Variants in F8 observed in about 807,000 individuals in gnomAD.
F8 encodes coagulation factor VIII, also known as antihemophilic factor.
In F8, 12 loss-of-function variants were observed where a neutral mutation model predicts 140.6. That is an observed-to-expected ratio of 0.09 (90% CI 0.05 to 0.14). The LOEUF (loss-of-function observed/expected upper bound fraction) is 0.14. F8 is among the 10% of genes least tolerant of loss of function. The pLI, the probability that F8 is intolerant of heterozygous loss-of-function variation, is 1.00. For missense variants in F8, 1,354 were observed against 1,720.7 expected (o/e 0.79, Z 3.77); for synonymous variants, 585 against 614.6 (o/e 0.95, Z 0.71).
chrX:154,839,162 T>C (rs1187483096), intron 25 of F8, among the ~76,000 whole-genome samples: 4 of 109,450 alleles, frequency 3.7e-5, no homozygotes, highest in Non-Finnish European at 7.6e-5. Flanking sequence ...TGATTCCCTC[T>C]GCTTGGAAGG....
chrX:154,911,283 G>A (rs1419232514), intron 14 of F8, among the ~76,000 whole-genome samples: 1 of 107,391 alleles, frequency 9.3e-6, no homozygotes, highest in Non-Finnish European at 1.9e-5. Context: ...AGTGTTTCTC[G>A]TCACTGTGGG....
intron 13 of F8, among the ~76,000 whole-genome samples, chrX:154,937,493 G>A (rs782230420): frequency 1.8e-5 from 2 of 109,420 alleles, no homozygotes; most frequent in African/African-American, 3.3e-5. Flanking sequence ...GGGTGCAGGC[G>A]ATAAACTTAA....
At chrX:154,867,929 A>G (rs1489415615) in intron 22 of F8, among the ~76,000 whole-genome samples, 1 of 111,125 alleles carries the variant, frequency 9.0e-6, no homozygotes, top group Non-Finnish European at 1.9e-5. Context: ...ATCAGAATGA[A>G]AGATGAAAAA....
At chrX:154,857,040 C>T (rs1159559848) in intron 25 of F8, among the ~76,000 whole-genome samples, 1 of 112,350 alleles carries the variant, frequency 8.9e-6, no homozygotes, top group Non-Finnish European at 1.9e-5. Flanking sequence ...ATATATTGAG[C>T]AGCTAGCAGG....
intron 6 of F8, 81 bp downstream of exon 6, chrX:154,984,606 G>A (rs1047524045): frequency 1.8e-5 from 13 of 710,076 alleles, no homozygotes; most frequent in Middle Eastern, 2.9e-4. Flanking sequence ...CTGAGATGCC[G>A]AGCTGTTTGT....
At chrX:154,905,640 G>C (rs1169648467) in intron 15 of F8, among the ~76,000 whole-genome samples, 1 of 111,408 alleles carries the variant, frequency 9.0e-6, no homozygotes, top group African/African-American at 3.3e-5. Flanking sequence ...GTATTAAAAA[G>C]TTAAATGTAA....
intron 3 of F8, among the ~76,000 whole-genome samples, chrX:154,995,312 G>A (rs2073610751): frequency 1.8e-5 from 2 of 112,219 alleles, no homozygotes; most frequent in African/African-American, 6.5e-5. Context: ...GGGAGAGGGA[G>A]AGTAAATGGA....
intron 23 of F8, among the ~76,000 whole-genome samples, chrX:154,862,468 G>A (rs1425781718): frequency 9.0e-6 from 1 of 111,270 alleles, no homozygotes. Flanking sequence ...TAAATTGCAT[G>A]TCACTGAGGC....
At chrX:155,018,248 T>C (rs1174102733) in intron 1 of F8, among the ~76,000 whole-genome samples, 5 of 112,109 alleles carry the variant, frequency 4.5e-5, no homozygotes, top group Non-Finnish European at 9.4e-5. Flanking sequence ...TCAGATCATG[T>C]TGAGAGGATA....
intron 1 of F8, among the ~76,000 whole-genome samples, chrX:155,001,408 C>T (rs1474163137): frequency 9.5e-6 from 1 of 105,105 alleles, no homozygotes; most frequent in African/African-American, 3.5e-5. Context: ...GTGATCCTCC[C>T]GCCTCAGCCG....
chrX:154,875,682 G>C (rs1248585737), intron 22 of F8, among the ~76,000 whole-genome samples: 15 of 110,418 alleles, frequency 1.4e-4, no homozygotes, highest in Non-Finnish European at 2.3e-4. Context: ...AAAGAGTACT[G>C]GGAATGCACA....
chrX:154,954,451 T>G (rs1025819607), intron 11 of F8, among the ~76,000 whole-genome samples: 22 of 111,953 alleles, frequency 2.0e-4, no homozygotes, highest in African/African-American at 3.2e-5. Context: ...TTTCCTAAAC[T>G]TCCATCTAGC....
chrX:154,860,483 G>T lies in F8; in HGVS notation c.6849C>A (p.Ser2283Arg). The T allele has an allele frequency of 8.3e-7, 1 of 1,211,156 alleles. No individual in the cohort carries two copies. Among genetic ancestry groups the T allele is most frequent in the Admixed American group, 2.2e-5 (1 of 46,002 alleles). The change falls in exon 25 of 26, where the codon AGC (serine) becomes AGA (arginine). Residue 2283 changes from serine (S) to arginine (R), a missense_variant. Around this residue, in one of 4 missense-constraint regions of F8, gnomAD observed 316 missense variants for 485.4 expected, o/e 0.65. Transcript: ENST00000360256. ...SMYVKEFLIS[S>R]SQDGHQWTLF... is the part of the protein sequence containing the mutation. ...GAGTCCACTGATGGCCATCTTGACT[G>T]CTGGAGATGAGGAACTCCTTCACAT... is the stretch of plus-strand genomic sequence containing the variant.
At chrX:154,875,776 G>T (rs957852837) in intron 22 of F8, among the ~76,000 whole-genome samples, 1 of 105,661 alleles carries the variant, frequency 9.5e-6, no homozygotes. Flanking sequence ...TGTGTGTGTA[G>T]AGAGAGAGAG....
At chrX:154,871,719 C>G (rs1557273594) in intron 22 of F8, among the ~76,000 whole-genome samples, 1 of 112,116 alleles carries the variant, frequency 8.9e-6, no homozygotes, top group East Asian at 2.8e-4. Context: ...AACTAAAGAG[C>G]TTCTGCACAG....
intron 25 of F8, among the ~76,000 whole-genome samples, chrX:154,840,050 G>C (rs892323839): frequency 1.5e-4 from 17 of 112,015 alleles, no homozygotes; most frequent in African/African-American, 5.2e-4. Flanking sequence ...TGCGATGCCA[G>C]ATTGTCCCAT....
At chrX:154,847,517 G>A (rs868939718) in intron 25 of F8, among the ~76,000 whole-genome samples, 3 of 105,073 alleles carry the variant, frequency 2.9e-5, no homozygotes, top group South Asian at 4.0e-4. Flanking sequence ...TTCTCTTCTC[G>A]CTTCATTTCA....
At chrX:154,900,863 T>A (rs782266221) in intron 20 of F8, among the ~76,000 whole-genome samples, 4 of 112,509 alleles carry the variant, frequency 3.6e-5, no homozygotes, top group Non-Finnish European at 7.5e-5. Flanking sequence ...AAAATAAGGC[T>A]TTATTACGGA....
At position 154,984,796 on chromosome X, in the gene F8, A is replaced by G; in HGVS notation, c.678T>C (p.Ser226=). The change falls in exon 6 of 26, where the codon AGT becomes AGC. Residue 226 remains serine (S), a synonymous_variant. Coordinates refer to ENST00000360256, the MANE Select transcript of F8 (RefSeq NM_000132.4). ...AGGAGTTCTTTGTTTCTGAGTGCCA[A>G]CTTTTCCCTGATGAGAGAGAAGGCA... ...LLFAVFDEGK[S]WHSETKNSLM... The G allele has an allele frequency of 4.2e-6, 5 of 1,200,142 alleles. No individual in the cohort carries two copies. The highest frequency in any genetic ancestry group is 5.6e-6 in the Non-Finnish European group (5 of 885,046).
Sources: gnomAD v4.1 joint callset for allele counts (sites outside exome capture counted in the v4.1 genomes callset) on GRCh38, gnomAD v4.1.1 for gene constraint, gnomAD v4.1.1 regional missense constraint, MANE v1.5 for transcripts, NCBI Gene and HGNC (gene_info 2026-07-23, HGNC 2026-07-21) for gene names.